Variants in AP3B1 observed in about 807,000 individuals in gnomAD.
AP3B1 encodes the protein adaptor related protein complex 3 subunit beta 1, also known as AP-3 complex subunit beta-1.
AP3B1 carries 61 observed loss-of-function variants against 132.5 expected under a neutral mutation model. The ratio of observed to expected loss-of-function variants is 0.46; its 90% confidence interval spans 0.37 to 0.57. The LOEUF (loss-of-function observed/expected upper bound fraction) is 0.57, where lower values mean the gene tolerates loss of function less well. Among genes scored for constraint, AP3B1 ranks in the 20% least tolerant of loss-of-function variants. The probability of loss-of-function intolerance (pLI) is 0.00; values close to 1 mark genes in which losing one functional copy is unlikely to be tolerated. For missense variants in AP3B1, 1,120 were observed against 1,289.4 expected, an observed-to-expected ratio of 0.87 and a Z score of 2.01; for synonymous variants, 388 against 438.3, an observed-to-expected ratio of 0.89 and a Z score of 1.43.
chr5:78,195,958 T>A (rs546025895), intron 7 of AP3B1, among the ~76,000 whole-genome samples: 1 of 152,204 alleles, frequency 6.6e-6, no homozygotes, highest in Non-Finnish European at 1.5e-5. Context: ...GGAATCTAGA[T>A]GACCTTGGGT....
intron 22 of AP3B1, among the ~76,000 whole-genome samples, chr5:78,088,675 T>C (rs147989129): frequency 5.4e-4 from 82 of 152,328 alleles, no homozygotes; most frequent in African/African-American, 1.9e-3. Flanking sequence ...CTATTCTGTC[T>C]CTTAGTCTGT....
intron 2 of AP3B1, among the ~76,000 whole-genome samples, chr5:78,252,276 G>A (rs1349595870): frequency 6.6e-6 from 1 of 152,068 alleles, no homozygotes; most frequent in Non-Finnish European, 1.5e-5. Flanking sequence ...GTGGCTATGG[G>A]GCAAAACTCC....
At chr5:78,070,613 G>A (rs183073990) in intron 22 of AP3B1, among the ~76,000 whole-genome samples, 1 of 151,720 alleles carries the variant, frequency 6.6e-6, no homozygotes, top group Non-Finnish European at 1.5e-5. Context: ...TATCATCAGG[G>A]TGAACAAGCA....
chr5:78,101,651 G>A (rs1221905088), intron 20 of AP3B1, among the ~76,000 whole-genome samples: 1 of 151,974 alleles, frequency 6.6e-6, no homozygotes, highest in Non-Finnish European at 1.5e-5. Context: ...AAACATATCT[G>A]CATATAACTA....
chr5:78,157,955 T>C (rs1294125853), intron 13 of AP3B1, among the ~76,000 whole-genome samples: 3 of 152,160 alleles, frequency 2.0e-5, no homozygotes, highest in Non-Finnish European at 4.4e-5. Context: ...TTGACCATAT[T>C]GGTCAGGCTG....
chr5:78,190,018 CAT>C (rs1326786648), intron 7 of AP3B1, among the ~76,000 whole-genome samples: 2 of 151,354 alleles, frequency 1.3e-5, no homozygotes, highest in Non-Finnish European at 1.5e-5. Flanking sequence ...ATCTTTTCCA[CAT>C]GATTCAATGA....
intron 9 of AP3B1, 148 bp from the exon 10 acceptor site, chr5:78,175,986 ATG>A (rs1744132600): frequency 1.0e-5 from 7 of 689,302 alleles, no homozygotes; most frequent in Non-Finnish European, 1.8e-5. Context: ...TAAATCTTAG[ATG>A]TGTGTCTTTT....
intron 22 of AP3B1, among the ~76,000 whole-genome samples, chr5:78,072,914 G>T (rs1749603953): frequency 6.6e-6 from 1 of 151,728 alleles, no homozygotes; most frequent in African/African-American, 2.4e-5. Flanking sequence ...TAGAGACAGG[G>T]TTTCACCATG....
Position 78,155,321 on chromosome 5 carries a change from G to A in AP3B1, c.1473+937C>T, listed in dbSNP as rs979715151. ...TGCTGCTGCCAGGGGATGAGAAAGCGGTGACACCGGCAATTCAAGACTGTC... is the reference window on the plus strand; with the variant it reads ...TGCTGCTGCCAGGGGATGAGAAAGCAGTGACACCGGCAATTCAAGACTGTC... On this transcript the variant is annotated intron_variant, in intron 14 of 26. Transcript: ENST00000255194. Among the ~76,000 whole-genome samples, 9 of 152,274 alleles carry A rather than the reference G, an allele frequency of 5.9e-5. No individual in the cohort carries two copies. In the South Asian group the frequency reaches 6.2e-4, roughly 11 times the overall value.
intron 6 of AP3B1, among the ~76,000 whole-genome samples, chr5:78,221,862 C>T (rs1746191456): frequency 6.6e-6 from 1 of 152,048 alleles, no homozygotes; most frequent in Non-Finnish European, 1.5e-5. Context: ...ACAATTGACC[C>T]ATATCAAGTA....
intron 17 of AP3B1, among the ~76,000 whole-genome samples, chr5:78,124,694 T>C (rs1752387235): frequency 6.6e-6 from 1 of 152,218 alleles, no homozygotes; most frequent in Non-Finnish European, 1.5e-5. Flanking sequence ...ATCAGCAGTA[T>C]GGCTTTCTTT....
At chr5:78,184,202 A>C (rs192022862) in intron 7 of AP3B1, among the ~76,000 whole-genome samples, 1 of 152,050 alleles carries the variant, frequency 6.6e-6, no homozygotes, top group Admixed American at 6.5e-5. Flanking sequence ...TAAAGAAAGA[A>C]ATAGAAGATA....
chr5:78,228,670 C>T (rs996856252), intron 3 of AP3B1, among the ~76,000 whole-genome samples: 1 of 152,158 alleles, frequency 6.6e-6, no homozygotes, highest in Non-Finnish European at 1.5e-5. Context: ...TCCTGGGCAA[C>T]ACAGAGAGAC....
At chr5:78,072,824 C>A (rs929344294) in intron 22 of AP3B1, among the ~76,000 whole-genome samples, 1 of 137,882 alleles carries the variant, frequency 7.3e-6, no homozygotes, top group Non-Finnish European at 1.5e-5. Flanking sequence ...CAGGTTCAGG[C>A]AATTCTCCTG....
chr5:78,279,298 C>T (rs1748938441), intron 1 of AP3B1, among the ~76,000 whole-genome samples: 1 of 152,018 alleles, frequency 6.6e-6, no homozygotes, highest in Non-Finnish European at 1.5e-5. Flanking sequence ...CTTATTTAGC[C>T]ACGTGGTAGT....
Position 78,181,653 on chromosome 5 carries a change from A to C in AP3B1, c.796T>G (p.Leu266Val). ...TAGAAATTCTTTCCATTGTCTTCTA[A>C]TTCATCACCCTACAATGAAAGAAAT... ...FVSPWKEGDE[L>V]EDNGKNFYES... Residue 266 changes from leucine (L) to valine (V), a missense_variant, in exon 8 of 27, where the codon TTA becomes GTA. Around this residue, in one of 3 missense-constraint regions of AP3B1, gnomAD observed 906 missense variants for 997.1 expected, o/e 0.91. Coordinates refer to ENST00000255194, the MANE Select transcript of AP3B1 (RefSeq NM_003664.5). 1 of 1,612,004 alleles carries C rather than the reference A, an allele frequency of 6.2e-7. No homozygotes were observed. Among genetic ancestry groups the C allele is most frequent in the Non-Finnish European group, 8.5e-7 (1 of 1,179,416 alleles).
chr5:78,174,444 C>T (rs371253136), intron 11 of AP3B1, among the ~76,000 whole-genome samples: 1 of 152,164 alleles, frequency 6.6e-6, no homozygotes, highest in Non-Finnish European at 1.5e-5. Context: ...CAGTCAGGTT[C>T]GTCAGCTGCA....
intron 15 of AP3B1, among the ~76,000 whole-genome samples, chr5:78,138,535 C>G (rs1188683973): frequency 1.3e-5 from 2 of 152,108 alleles, no homozygotes; most frequent in African/African-American, 4.8e-5. Flanking sequence ...GAGAAATATT[C>G]AAAAACAGAG....
chr5:78,038,918 G>A, intron 23 of AP3B1, 125 bp downstream of exon 23: 1 of 645,208 alleles, frequency 1.5e-6, no homozygotes, highest in South Asian at 2.0e-5. Flanking sequence ...AACTGAATAT[G>A]CTAATTGTCA....
Sources: gnomAD v4.1 joint callset for allele counts (sites outside exome capture counted in the v4.1 genomes callset) on GRCh38, gnomAD v4.1.1 for gene constraint, gnomAD v4.1.1 regional missense constraint, MANE v1.5 for transcripts, NCBI Gene and HGNC (gene_info 2026-07-23, HGNC 2026-07-21) for gene names.